PITPNC1: variants seen among roughly 807,000 people sequenced by gnomAD.
PITPNC1 encodes the protein phosphatidylinositol transfer protein cytoplasmic 1.
In PITPNC1, 18 loss-of-function variants were observed where a neutral mutation model predicts 44.7. That is an observed-to-expected ratio of 0.40 (90% CI 0.28 to 0.60). The LOEUF (loss-of-function observed/expected upper bound fraction) is 0.60, where lower values mean the gene tolerates loss of function less well. Ranked by LOEUF, PITPNC1 falls within the 20% of genes least tolerant of loss-of-function variation. The pLI is 0.39. For missense variants in PITPNC1, 290 were observed against 418.4 expected (o/e 0.69, Z 2.68); for synonymous variants, 141 against 149.6 (o/e 0.94, Z 0.42).
At chr17:67,629,266 G>GTGTGTGTGTGTGT (rs1555574240) in intron 5 of PITPNC1, among the ~76,000 whole-genome samples, 31 of 150,350 alleles carry the variant, frequency 2.1e-4, no homozygotes, top group South Asian at 6.3e-4. Flanking sequence ...GTGTGTGTGT[G>GTGTGTGTGTGTGT]GTTTTTGTTG....
At chr17:67,631,655 A>AT (rs57804710) in intron 5 of PITPNC1, among the ~76,000 whole-genome samples, 7 of 8,308 alleles carry the variant, frequency 8.4e-4, no homozygotes, top group African/African-American at 1.5e-3. Flanking sequence ...AAAAAAAAAA[A>AT]AAATATATAT....
intron 5 of PITPNC1, among the ~76,000 whole-genome samples, chr17:67,609,288 CT>C (rs34987217): frequency 0.38 from 43,697 of 114,154 alleles, 7,777 homozygotes; most frequent in African/African-American, 0.59. Context: ...CTTCTTCTTC[CT>C]TTTTTTTTTT....
At chr17:67,490,266 G>T (rs2039845102) in intron 1 of PITPNC1, among the ~76,000 whole-genome samples, 1 of 150,738 alleles carries the variant, frequency 6.6e-6, no homozygotes. Flanking sequence ...GGTCATACTT[G>T]TGTGTGTGTG....
At chr17:67,593,483 C>G (rs2041419938) in intron 5 of PITPNC1, among the ~76,000 whole-genome samples, 1 of 152,042 alleles carries the variant, frequency 6.6e-6, no homozygotes, top group Non-Finnish European at 1.5e-5. Context: ...CACTGAACCT[C>G]TGCCTCCAGG....
At chr17:67,403,080 A>G (rs895806082) in intron 1 of PITPNC1, among the ~76,000 whole-genome samples, 1 of 152,114 alleles carries the variant, frequency 6.6e-6, no homozygotes, top group African/African-American at 2.4e-5. Context: ...CTGACTTTTC[A>G]GTAACATCTA....
intron 5 of PITPNC1, among the ~76,000 whole-genome samples, chr17:67,603,214 T>C (rs75673663): frequency 0.067 from 10,222 of 152,264 alleles, 403 homozygotes; most frequent in Admixed American, 0.11. Context: ...AAAGTACAGC[T>C]GGAGCAAGCA....
intron 1 of PITPNC1, among the ~76,000 whole-genome samples, chr17:67,423,201 G>A (rs1476526901): frequency 1.3e-5 from 2 of 152,166 alleles, no homozygotes; most frequent in Admixed American, 6.5e-5. Flanking sequence ...AAGCCCCCAA[G>A]GAAACAGAGG....
In PITPNC1 at chr17:67,669,182, C is replaced by T. The variant is rs188744063; in HGVS notation, c.463-326C>T. Among the ~76,000 whole-genome samples the T allele has an allele frequency of 6.4e-3, 972 of 152,322 alleles. 8 individuals carry two copies. Among genetic ancestry groups the T allele is most frequent in the African/African-American group, 0.023 (936 of 41,574 alleles). On this transcript the variant is annotated intron_variant, in intron 6 of 8. Coordinates refer to ENST00000581322, the MANE Select transcript of PITPNC1 (RefSeq NM_012417.4). ...AGTGCAATGGCGCAATCTTGGCTCA[C>T]CACAACCTCTGCCTCTCGGGTTCAA...
At chr17:67,421,270 A>G (rs1330097241) in intron 1 of PITPNC1, among the ~76,000 whole-genome samples, 1 of 151,974 alleles carries the variant, frequency 6.6e-6, no homozygotes, top group African/African-American at 2.4e-5. Flanking sequence ...AAAACAGAGA[A>G]CGGTAACTTT....
chr17:67,490,859 G>A (rs997448294), intron 1 of PITPNC1, among the ~76,000 whole-genome samples: 1 of 152,132 alleles, frequency 6.6e-6, no homozygotes, highest in Non-Finnish European at 1.5e-5. Context: ...GATGCCAAGA[G>A]CTGTTTATAT....
rs1162909454 is a variant in PITPNC1, at chr17:67,495,057, T to G, written c.49-37745T>G. ...ATGGAGTTGTTTTTTTTTTTGTTTT[T>G]TTTTTTTTTTTTTTTTTGAGACGGA... On this transcript the variant is annotated intron_variant, in intron 1 of 8. Coordinates refer to ENST00000581322, the MANE Select transcript of PITPNC1 (RefSeq NM_012417.4). Among the ~76,000 whole-genome samples the G allele has an allele frequency of 4.3e-3, 435 of 100,464 alleles. 8 individuals carry two copies. Among genetic ancestry groups the G allele is most frequent in the African/African-American group, 0.015 (412 of 27,278 alleles). The allele number at this position is 100,464 out of a possible 152,430, so 65.9% of individuals were successfully genotyped here. A position where few individuals can be genotyped will look rare whatever the true frequency, so the allele number is the denominator to read the frequency against.
chr17:67,382,793 T>G (rs1164524993), intron 1 of PITPNC1, among the ~76,000 whole-genome samples: 1 of 151,094 alleles, frequency 6.6e-6, no homozygotes, highest in East Asian at 2.0e-4. Context: ...CCAGGCTAAT[T>G]TTTTGTATTT....
chr17:67,582,567 C>T (rs914515372), intron 5 of PITPNC1, among the ~76,000 whole-genome samples: 12 of 145,152 alleles, frequency 8.3e-5, no homozygotes, highest in Admixed American at 1.4e-4. Flanking sequence ...AATTTTTTGA[C>T]GTGACCCAAT....
Position 67,650,294 on chromosome 17 carries a change from G to A in PITPNC1, c.462+18056G>A, listed in dbSNP as rs576220811. On this transcript the variant is annotated intron_variant, in intron 6 of 8. Transcript: ENST00000581322. Reference sequence around the variant, plus strand: ...TGCCTGACACAGACTCTGGTACGGAGCAAGCACTTGAAAACGTTAGCTCCT... The same window carrying A: ...TGCCTGACACAGACTCTGGTACGGAACAAGCACTTGAAAACGTTAGCTCCT... 1.8e-4 allele frequency among the ~76,000 whole-genome samples: 28 copies of A among 152,160 alleles called. 1 individual carries two copies. Among genetic ancestry groups the A allele is most frequent in the Non-Finnish European group, 2.4e-4 (16 of 68,016 alleles).
intron 6 of PITPNC1, among the ~76,000 whole-genome samples, chr17:67,657,339 A>G (rs2042282961): frequency 6.6e-6 from 1 of 152,162 alleles, no homozygotes; most frequent in Non-Finnish European, 1.5e-5. Context: ...GACTAGATGA[A>G]ATCAACAGCT....
chr17:67,624,214 C>CT (rs71139163), intron 5 of PITPNC1, among the ~76,000 whole-genome samples: 102,098 of 126,894 alleles, frequency 0.8, 41,751 homozygotes, highest in Non-Finnish European at 0.86. Context: ...TCTTTCTTTT[C>CT]TTTTTTTTTT....
chr17:67,567,304 T>C (rs549991821), intron 4 of PITPNC1, among the ~76,000 whole-genome samples: 39 of 151,766 alleles, frequency 2.6e-4, no homozygotes, highest in African/African-American at 8.9e-4. Flanking sequence ...GCTAACATGG[T>C]AAACCCCGTT....
intron 4 of PITPNC1, among the ~76,000 whole-genome samples, chr17:67,561,999 G>A (rs553145894): frequency 1.3e-5 from 2 of 152,270 alleles, no homozygotes; most frequent in South Asian, 2.1e-4. Flanking sequence ...GTATTCATGA[G>A]CATCCTCTGC....
intron 6 of PITPNC1, among the ~76,000 whole-genome samples, chr17:67,667,731 G>A (rs1187464767): frequency 1.3e-5 from 2 of 151,340 alleles, no homozygotes; most frequent in East Asian, 3.9e-4. Context: ...GGGAGGCCTA[G>A]CACTTTGGGA....
Sources: gnomAD v4.1 joint callset for allele counts (sites outside exome capture counted in the v4.1 genomes callset) on GRCh38, gnomAD v4.1.1 for gene constraint, MANE v1.5 for transcripts, NCBI Gene and HGNC (gene_info 2026-07-23, HGNC 2026-07-21) for gene names.